Variants in DYRK1A observed in about 807,000 individuals in gnomAD.
DYRK1A encodes the protein dual specificity tyrosine-phosphorylation-regulated kinase 1A.
Under a neutral mutation model 79.7 loss-of-function variants are expected in DYRK1A, and 9 were observed. The ratio of observed to expected loss-of-function variants is 0.11; its 90% CI spans 0.07 to 0.20. The LOEUF is 0.20. DYRK1A is among the 10% of genes least tolerant of loss of function. DYRK1A has a pLI of 1.00. For missense variants in DYRK1A, 622 were observed against 956.0 expected (o/e 0.65, Z 4.61); for synonymous variants, 349 against 329.7 (o/e 1.06, Z -0.63).
At chr21:37,500,929 C>CTTTTTTT (rs898795722) in intron 9 of DYRK1A, among the ~76,000 whole-genome samples, 1 of 144,060 alleles carries the variant, frequency 6.9e-6, no homozygotes, top group African/African-American at 2.5e-5. Context: ...TTGTTGATTT[C>CTTTTTTT]TTTTTTTTTT....
At chr21:37,508,616 T>C (rs556994075) in intron 11 of DYRK1A, among the ~76,000 whole-genome samples, 1 of 149,602 alleles carries the variant, frequency 6.7e-6, no homozygotes, top group Non-Finnish European at 1.5e-5. Flanking sequence ...CAGTTTTGAC[T>C]TGCCCTTCTA....
intron 2 of DYRK1A, among the ~76,000 whole-genome samples, chr21:37,432,416 T>C (rs756908531): frequency 8.5e-5 from 13 of 152,164 alleles, no homozygotes; most frequent in Non-Finnish European, 1.6e-4. Context: ...AATAGAAATA[T>C]CTACTTGGCT....
chr21:37,451,618 G>A (rs969598775), intron 2 of DYRK1A, among the ~76,000 whole-genome samples: 6 of 150,906 alleles, frequency 4.0e-5, no homozygotes, highest in African/African-American at 1.5e-4. Context: ...CGTGCAGTAG[G>A]CTCCACCGTC....
At chr21:37,368,888 G>A (rs2049372548) in intron 1 of DYRK1A, among the ~76,000 whole-genome samples, 1 of 152,132 alleles carries the variant, frequency 6.6e-6, no homozygotes, top group Admixed American at 6.5e-5. Flanking sequence ...GGTTTTTAGC[G>A]TGGAATTACC....
At chr21:37,460,107 G>T (rs1002807368) in intron 2 of DYRK1A, among the ~76,000 whole-genome samples, 7 of 148,972 alleles carry the variant, frequency 4.7e-5, no homozygotes, top group African/African-American at 1.8e-4. Flanking sequence ...CTTTAGCATG[G>T]ATTTTTTTTT....
rs965422480 is a variant in DYRK1A at position 37,418,811 on chromosome 21, T to C, written c.-76-1488T>C. 7.2e-5 allele frequency: 11 copies of C among 152,216 alleles called. 1 individual carries two copies. Among genetic ancestry groups the C allele is most frequent in the Admixed American group, 6.5e-4 (10 of 15,278 alleles). 9.4% of individuals were successfully genotyped at this position (152,216 alleles called of 1,614,324 possible). ...AGCTAGTTGTAGGTCTAGTGTTTAA[T>C]GTAATACCGTAACAGGCATTTGAAT... On this transcript the variant is annotated intron_variant, in intron 1 of 11. Coordinates refer to ENST00000647188, the MANE Select transcript of DYRK1A (RefSeq NM_001347721.2).
chr21:37,482,298 TC>T, intron 5 of DYRK1A, among the ~76,000 whole-genome samples: 1 of 152,242 alleles, frequency 6.6e-6, no homozygotes. Flanking sequence ...TTTTCTATTT[TC>T]CCTAAGCGTC....
intron 8 of DYRK1A, among the ~76,000 whole-genome samples, chr21:37,494,394 C>G (rs1485982672): frequency 6.6e-6 from 1 of 152,082 alleles, no homozygotes; most frequent in Non-Finnish European, 1.5e-5. Flanking sequence ...TCCTCTGATG[C>G]CAGTTCTCTC....
At chr21:37,375,880 C>T (rs545836613) in intron 1 of DYRK1A, among the ~76,000 whole-genome samples, 2 of 152,076 alleles carry the variant, frequency 1.3e-5, no homozygotes, top group African/African-American at 4.8e-5. Context: ...TAGATCTAGC[C>T]TGAAAACCCA....
chr21:37,432,992 T>C (rs1334984331), intron 2 of DYRK1A, among the ~76,000 whole-genome samples: 1 of 149,318 alleles, frequency 6.7e-6, no homozygotes, highest in Non-Finnish European at 1.5e-5. Context: ...AAAAAAAAAG[T>C]TAATGATTAA....
rs1049136461 is a variant in DYRK1A at position 37,390,144 on chromosome 21, C to G, written c.-77+22516C>G. Reference sequence around the variant, plus strand: ...ACCTATTTTCTGTTGTGCTTGATACCTGTCAGTACCAAGTCTCCATATTCA... The same window carrying G: ...ACCTATTTTCTGTTGTGCTTGATACGTGTCAGTACCAAGTCTCCATATTCA... On this transcript the variant is annotated intron_variant, in intron 1 of 11. Coordinates refer to ENST00000647188, the MANE Select transcript of DYRK1A (RefSeq NM_001347721.2). Among the ~76,000 whole-genome samples, 5 of 152,096 alleles carry G rather than the reference C, an allele frequency of 3.3e-5. No homozygotes were observed. The South Asian group carries it at 1.0e-3, about 32-fold the overall frequency.
At position 37,521,014 on chromosome 21, in the gene DYRK1A, G is replaced by A. The variant is rs1342579864; in HGVS notation, c.*8483G>A. On this transcript the variant is annotated 3_prime_UTR_variant, in exon 12 of 12. Coordinates refer to ENST00000647188, the MANE Select transcript of DYRK1A (RefSeq NM_001347721.2). The stretch of plus-strand genomic sequence containing the variant: ...AGAGACGGGCTACCTCTTTCTGTAG[G>A]CGGATGTTTCTGAAGGCATCTCCCA... The A allele has an allele frequency of 6.6e-6, 1 of 152,258 alleles. No individual in the cohort carries two copies. Among genetic ancestry groups the A allele is most frequent in the African/African-American group, 2.4e-5 (1 of 41,458 alleles). 9.4% of individuals were successfully genotyped at this position (152,258 alleles called of 1,614,324 possible).
intron 11 of DYRK1A, among the ~76,000 whole-genome samples, chr21:37,511,493 G>A (rs2053747785): frequency 6.6e-6 from 1 of 152,210 alleles, no homozygotes; most frequent in South Asian, 2.1e-4. Context: ...GCATTGTTGA[G>A]CAGCTAGGTA....
intron 1 of DYRK1A, among the ~76,000 whole-genome samples, chr21:37,373,180 C>G (rs11911778): frequency 0.041 from 6,217 of 152,184 alleles, 445 homozygotes; most frequent in African/African-American, 0.14. Flanking sequence ...GCTTCAGTAT[C>G]CTGTATGCCA....
intron 2 of DYRK1A, chr21:37,464,298 T>A (rs755484693): frequency 2.0e-6 from 1 of 501,726 alleles, no homozygotes; most frequent in Non-Finnish European, 3.9e-6. Context: ...GGTAATATGG[T>A]CTCTAGTTAT....
At chr21:37,488,445 T>C (rs1202280343) in intron 6 of DYRK1A, 1 of 722,842 alleles carries the variant, frequency 1.4e-6, no homozygotes, top group African/African-American at 1.9e-5. Context: ...TGTCTTGTCT[T>C]TGAACTTTAA....
intron 9 of DYRK1A, chr21:37,503,780 T>C (rs537359396): frequency 1.3e-5 from 2 of 152,350 alleles, no homozygotes; most frequent in Non-Finnish European, 2.9e-5. Flanking sequence ...TCTATTCATA[T>C]GTTGTCCACT....
chr21:37,432,388 A>T (rs1231956756), intron 2 of DYRK1A, among the ~76,000 whole-genome samples: 1 of 152,180 alleles, frequency 6.6e-6, no homozygotes, highest in East Asian at 1.9e-4. Flanking sequence ...AAGAAGCAGG[A>T]TTGCCCTTAG....
At chr21:37,469,557 T>C (rs756651601) in intron 2 of DYRK1A, among the ~76,000 whole-genome samples, 1 of 152,138 alleles carries the variant, frequency 6.6e-6, no homozygotes, top group Non-Finnish European at 1.5e-5. Flanking sequence ...CTTCAGGCTG[T>C]ACAGGAAGCA....
Sources: gnomAD v4.1 joint callset for allele counts (sites outside exome capture counted in the v4.1 genomes callset) on GRCh38, gnomAD v4.1.1 for gene constraint, MANE v1.5 for transcripts, NCBI Gene and HGNC (gene_info 2026-07-23, HGNC 2026-07-21) for gene names.